GFRA2: variants seen among roughly 807,000 people sequenced by gnomAD.
GFRA2 encodes GDNF family receptor alpha 2.
Under a neutral mutation model 48.3 loss-of-function variants are expected in GFRA2, and 17 were observed. The observed-to-expected ratio is 0.35, with a 90% CI of 0.24 to 0.53. The LOEUF (loss-of-function observed/expected upper bound fraction) is 0.53. Among genes scored for constraint, GFRA2 ranks in the 20% least tolerant of loss-of-function variants. The probability of loss-of-function intolerance (pLI) is 0.93; values close to 1 mark genes in which losing one functional copy is unlikely to be tolerated. For missense variants in GFRA2, 660 were observed against 637.3 expected (o/e 1.04, Z -0.38); for synonymous variants, 305 against 257.2 (o/e 1.19, Z -1.78).
upstream of GFRA2, among the ~76,000 whole-genome samples, chr8:21,791,935 C>T (rs762950113): frequency 2.6e-5 from 4 of 152,204 alleles, no homozygotes; most frequent in Non-Finnish European, 5.9e-5. Context: ...GCCCTAGGCT[C>T]ACCAACAGAC....
At chr8:21,734,071 G>A (rs769000289) in intron 4 of GFRA2, among the ~76,000 whole-genome samples, 6 of 152,172 alleles carry the variant, frequency 3.9e-5, no homozygotes, top group South Asian at 2.1e-4. Context: ...GGCCTCCACC[G>A]AAGGGCTCCC....
intron 4 of GFRA2, among the ~76,000 whole-genome samples, chr8:21,715,825 A>G (rs1243739915): frequency 2.0e-5 from 3 of 152,212 alleles, no homozygotes; most frequent in African/African-American, 4.8e-5. Flanking sequence ...CCTAATAAGA[A>G]TACACATGCA....
At chr8:21,771,291 T>C (rs34902241) in intron 3 of GFRA2, among the ~76,000 whole-genome samples, 34,613 of 152,180 alleles carry the variant, frequency 0.23, 4,074 homozygotes, top group Middle Eastern at 0.26. Flanking sequence ...CCCTAAATAC[T>C]GTCTCACACT....
chr8:21,776,037 G>GTGTGTGTGTGTGTGTGTA lies in GFRA2; in HGVS notation c.356-983_356-982insTACACACACACACACACA, dbSNP rs549952048. Among the ~76,000 whole-genome samples the GTGTGTGTGTGTGTGTGTA allele has an allele frequency of 1.7e-3, 244 of 139,866 alleles. 3 individuals carry two copies. The highest frequency in any genetic ancestry group is 2.0e-3 in the Non-Finnish European group (129 of 63,962). The allele number at this position is 139,866 out of a possible 152,430, so 91.8% of individuals were successfully genotyped here. A position where few individuals can be genotyped will look rare whatever the true frequency, so the allele number is the denominator to read the frequency against. ...TGTGTGTGTGTGTGTGTGTGTGTGT[G>GTGTGTGTGTGTGTGTGTA]TGTAGTGAAAAGCAGGGCACAGCCT... On this transcript the variant is annotated intron_variant, in intron 2 of 8. Coordinates refer to ENST00000524240, the MANE Select transcript of GFRA2 (RefSeq NM_001495.5).
At position 21,761,803 on chromosome 8, in the gene GFRA2, A is replaced by C. The variant is rs117508053; in HGVS notation, c.440-10861T>G. On this transcript the variant is annotated intron_variant, in intron 3 of 8. Coordinates refer to ENST00000524240, the MANE Select transcript of GFRA2 (RefSeq NM_001495.5). ...CATCTCTACTAAAGATATGGAAATT[A>C]GCTGGGCGTGATGGTGCGCACCTGT... Among the ~76,000 whole-genome samples the C allele has an allele frequency of 6.9e-3, 1,044 of 152,116 alleles. 56 individuals are homozygous for C. The East Asian group carries it at 0.14, about 20-fold the overall frequency.
chr8:21,744,635 G>A (rs967894929), intron 4 of GFRA2, among the ~76,000 whole-genome samples: 13 of 151,424 alleles, frequency 8.6e-5, no homozygotes, highest in African/African-American at 2.7e-4. Flanking sequence ...GGTAAAAACC[G>A]AAAGACTGTG....
At chr8:21,740,463 G>T (rs1461872125) in intron 4 of GFRA2, among the ~76,000 whole-genome samples, 5 of 152,156 alleles carry the variant, frequency 3.3e-5, no homozygotes, top group African/African-American at 4.8e-5. Context: ...CAAATCCAAT[G>T]GTGACCCAGG....
At chr8:21,698,012 T>C (rs1431337079) in intron 7 of GFRA2, among the ~76,000 whole-genome samples, 2 of 152,184 alleles carry the variant, frequency 1.3e-5, no homozygotes, top group Non-Finnish European at 2.9e-5. Flanking sequence ...GAGAACAGAC[T>C]AATACAACCA....
chr8:21,713,661 G>C (rs1005821016), intron 4 of GFRA2, among the ~76,000 whole-genome samples: 1 of 152,096 alleles, frequency 6.6e-6, no homozygotes, highest in African/African-American at 2.4e-5. Context: ...CAGACCAAAA[G>C]CATCATATCA....
chr8:21,799,284 C>T (rs1000970191), intron 2 of GFRA2, among the ~76,000 whole-genome samples: 4 of 150,536 alleles, frequency 2.7e-5, no homozygotes, highest in Admixed American at 6.6e-5. Context: ...GTGGCGCGAT[C>T]GCGGCTCACT....
intron 3 of GFRA2, 65 bp downstream of exon 3, chr8:21,774,907 G>T: frequency 1.1e-6 from 1 of 877,924 alleles, no homozygotes; most frequent in Non-Finnish European, 1.9e-6. Flanking sequence ...CAAGCCCAGA[G>T]CTCCATCTGC....
At chr8:21,757,748 C>T (rs753370834) in intron 3 of GFRA2, among the ~76,000 whole-genome samples, 14 of 152,262 alleles carry the variant, frequency 9.2e-5, no homozygotes, top group South Asian at 4.2e-4. Flanking sequence ...GTGATCCGCC[C>T]GCTTTGGCCT....
At position 21,714,543 on chromosome 8, in the gene GFRA2, C is replaced by T. The variant is rs562125817; in HGVS notation, c.795-8502G>A. Among the ~76,000 whole-genome samples, 4 of 152,106 alleles carry T rather than the reference C, an allele frequency of 2.6e-5. No homozygotes were observed. In the East Asian group the frequency reaches 5.8e-4, roughly 22 times the overall value. On this transcript the variant is annotated intron_variant, in intron 4 of 8. Coordinates refer to ENST00000524240, the MANE Select transcript of GFRA2 (RefSeq NM_001495.5). The stretch of plus-strand genomic sequence containing the variant: ...TAGAATTCCAGGCCTGACTGAAGTT[C>T]TCGTTTATCAGGTGATACCTGTTAT...
chr8:21,766,062 G>A (rs906772617), intron 3 of GFRA2, among the ~76,000 whole-genome samples: 13 of 152,014 alleles, frequency 8.6e-5, no homozygotes, highest in Non-Finnish European at 1.9e-4. Flanking sequence ...CTAGTCAACC[G>A]CCTCAATGCC....
chr8:21,801,523 C>A (rs1483067771), intron 2 of GFRA2, among the ~76,000 whole-genome samples: 6 of 152,062 alleles, frequency 3.9e-5, no homozygotes, highest in Non-Finnish European at 7.4e-5. Context: ...GAGAACCCAG[C>A]AGGTTCCTCA....
rs1038225512 is a variant in GFRA2, at chr8:21,692,459, G to A, written c.*819C>T. The A allele has an allele frequency of 2.0e-5, 3 of 151,978 alleles. No homozygotes were observed. Among genetic ancestry groups the A allele is most frequent in the African/African-American group, 4.8e-5 (2 of 41,374 alleles). 9.4% of individuals were successfully genotyped at this position (151,978 alleles called of 1,614,324 possible). ...TCTCCCCTCCCTCTCCCCAAAGGGA[G>A]GCCTGCCAAAGGACCCACGAGAAAG... On this transcript the variant is annotated 3_prime_UTR_variant, in exon 9 of 9. Coordinates refer to ENST00000524240, the MANE Select transcript of GFRA2 (RefSeq NM_001495.5).
rs1373950842 is a variant in GFRA2, at chr8:21,705,136, A to G, written c.905-11T>C. 6.2e-7 allele frequency: 1 copy of G among 1,606,078 alleles called. No homozygotes were observed. The highest frequency in any genetic ancestry group is 8.5e-7 in the Non-Finnish European group (1 of 1,176,670). On this transcript the variant is annotated splice_polypyrimidine_tract_variant and intron_variant, in intron 5 of 8. Transcript: ENST00000524240. ...GTGTCATGTCAAACCCTGGGCAGGA[A>G]GAAAGGTGGGGGAGAGGAGAGAGGT...
chr8:21,717,729 C>A (rs1472819178), intron 4 of GFRA2, among the ~76,000 whole-genome samples: 1 of 152,216 alleles, frequency 6.6e-6, no homozygotes, highest in Non-Finnish European at 1.5e-5. Flanking sequence ...CCTGGCTACT[C>A]TTTCCTGGGC....
At position 21,703,405 on chromosome 8, in the gene GFRA2, G is replaced by C. The variant is rs191564946; in HGVS notation, c.1046-428C>G. Among the ~76,000 whole-genome samples the C allele has an allele frequency of 9.9e-5, 15 of 152,016 alleles. No individual in the cohort carries two copies. In the East Asian group the frequency reaches 1.4e-3, roughly 14 times the overall value. On this transcript the variant is annotated intron_variant, in intron 6 of 8. Transcript: ENST00000524240. ...CCCTGTGCCTCCTCGGATGTTCCCAGGTCCCCACCCTGGCATGCAGGGGTC... is the reference window on the plus strand; with the variant it reads ...CCCTGTGCCTCCTCGGATGTTCCCACGTCCCCACCCTGGCATGCAGGGGTC...
Sources: allele counts gnomAD v4.1 joint callset (sites outside exome capture counted in the v4.1 genomes callset), GRCh38; gene constraint gnomAD v4.1.1; transcripts MANE v1.5; gene names NCBI Gene and HGNC (gene_info 2026-07-23, HGNC 2026-07-21).